The following PTPRS variants were observed in gnomAD, a reference collection of about 807,000 sequenced individuals.
PTPRS encodes receptor-type tyrosine-protein phosphatase S.
Under a neutral mutation model 215.3 loss-of-function variants are expected in PTPRS, and 63 were observed. The observed-to-expected ratio is 0.29, with a 90% confidence interval of 0.24 to 0.36. The LOEUF is 0.36. Ranked by LOEUF, PTPRS falls within the 10% of genes least tolerant of loss-of-function variation. PTPRS has a pLI of 1.00. For synonymous variants in PTPRS, 1,404 were observed against 1,191.4 expected (o/e 1.18, Z -3.68); for missense variants, 2,258 against 2,825.8 (o/e 0.80, Z 4.56).
In PTPRS at chr19:5,214,302, C is replaced by CT. The variant is rs199725155; in HGVS notation, c.4614+58dup. 3.3e-4 allele frequency: 539 copies of CT among 1,610,948 alleles called. 1 individual carries two copies. The African/African-American group carries it at 6.4e-3, about 19-fold the overall frequency. The stretch of plus-strand genomic sequence containing the variant: ...CTCCCTGGGTAGAAGCTGGGGCCCT[C>CT]TGCCTCCCTTCCAACACATTCCTCC... On this transcript the variant is annotated intron_variant, in intron 30 of 37. Coordinates refer to ENST00000262963, the MANE Select transcript of PTPRS (RefSeq NM_002850.4).
At chr19:5,319,938 T>C (rs943316914) in intron 1 of PTPRS, among the ~76,000 whole-genome samples, 7 of 152,064 alleles carry the variant, frequency 4.6e-5, no homozygotes, top group African/African-American at 1.7e-4. Context: ...GTGCTATATA[T>C]CGTATTTTGC....
chr19:5,236,597 C>G (rs1230483864), intron 13 of PTPRS, among the ~76,000 whole-genome samples: 1 of 152,222 alleles, frequency 6.6e-6, no homozygotes, highest in Non-Finnish European at 1.5e-5. Flanking sequence ...TGAGTACTTA[C>G]TATGGACACT....
In PTPRS at chr19:5,245,918, G is replaced by A. The variant is rs769128497; in HGVS notation, c.846C>T (p.Ala282=). 5.0e-6 allele frequency: 8 copies of A among 1,613,576 alleles called. No individual in the cohort carries two copies. The highest frequency in any genetic ancestry group is 3.3e-5 in the Admixed American group (2 of 59,960). ...TGTCATCCTCGGGGGTCAGGTCCTC[G>A]GCCCCCTGCATCCACTTCACGTATG... ...PMPYVKWMQG[A]EDLTPEDDMP... The change falls in exon 10 of 38, where the codon GCC becomes GCT. Residue 282 remains alanine (A), a synonymous_variant. Coordinates refer to ENST00000262963, the MANE Select transcript of PTPRS (RefSeq NM_002850.4).
chr19:5,241,169 G>A lies in PTPRS; in HGVS notation c.1571-837C>T, dbSNP rs552845142. Among the ~76,000 whole-genome samples, 30 of 151,954 alleles carry A rather than the reference G, an allele frequency of 2.0e-4. No homozygotes were observed. The South Asian group carries it at 5.6e-3, about 28-fold the overall frequency. On this transcript the variant is annotated intron_variant, in intron 11 of 37. Coordinates refer to ENST00000262963, the MANE Select transcript of PTPRS (RefSeq NM_002850.4). ...CTCCCAAAGTGCTGGAATTACAGGC[G>A]CGAACCACCACACCTGGCCTAAAAA...
At chr19:5,265,491 G>A (rs1005070734) in intron 4 of PTPRS, among the ~76,000 whole-genome samples, 3 of 152,056 alleles carry the variant, frequency 2.0e-5, no homozygotes, top group African/African-American at 7.2e-5. Flanking sequence ...ACAAGCATGC[G>A]CCACCACGCC....
Position 5,245,806 on chromosome 19 carries a change from T to C in PTPRS, c.958A>G (p.Ile320Val), listed in dbSNP as rs774918692. The C allele has an allele frequency of 6.2e-7, 1 of 1,610,912 alleles. No individual in the cohort carries two copies. Among genetic ancestry groups the C allele is most frequent in the Non-Finnish European group, 8.5e-7 (1 of 1,178,328 alleles). Reference sequence around the variant, plus strand: ...ACCGTGATCTGAGCAACCGCCTCAATGACGCCCAGGCTGGACATGGCCACG... The same window carrying C: ...ACCGTGATCTGAGCAACCGCCTCAACGACGCCCAGGCTGGACATGGCCACG... ...TCVAMSSLGV[I>V]EAVAQITVKS... The change falls in exon 10 of 38, where the codon ATT (isoleucine) becomes GTT (valine). Residue 320 changes from isoleucine to valine, a missense_variant. Transcript: ENST00000262963.
rs1199741467 is a variant in PTPRS at position 5,229,596 on chromosome 19, C to T, written c.2244G>A (p.Arg748=). The part of the protein sequence containing the change: ...RVLWRSPAPG[R]QHGQIRGYQV... Reference sequence around the variant, plus strand: ...GGTAGCCGCGGATCTGGCCGTGCTGCCGGCCGGGCGCGGGCGAGCGCCACA... The same window carrying T: ...GGTAGCCGCGGATCTGGCCGTGCTGTCGGCCGGGCGCGGGCGAGCGCCACA... Residue 748 remains arginine, a synonymous_variant, in exon 15 of 38, where the codon CGG becomes CGA. Transcript: ENST00000262963. The T allele has an allele frequency of 7.0e-7, 1 of 1,430,886 alleles. No homozygotes were observed. Among genetic ancestry groups the T allele is most frequent in the Non-Finnish European group, 9.2e-7 (1 of 1,092,622 alleles). 88.6% of individuals were successfully genotyped at this position (1,430,886 alleles called of 1,614,324 possible). A position where few individuals can be genotyped will look rare whatever the true frequency, so the allele number is the denominator to read the frequency against.
chr19:5,239,822 A>T (rs1307503383), intron 12 of PTPRS, among the ~76,000 whole-genome samples: 7 of 152,128 alleles, frequency 4.6e-5, no homozygotes, highest in Admixed American at 4.6e-4. Flanking sequence ...CAGAAAACAG[A>T]GACAGAAAGA....
At chr19:5,273,126 T>C (rs2047061417) in intron 4 of PTPRS, 1 of 352,388 alleles carries the variant, frequency 2.8e-6, no homozygotes, top group South Asian at 3.2e-5. Context: ...GGAATTTTAA[T>C]TCTGCACATC....
intron 2 of PTPRS, among the ~76,000 whole-genome samples, chr19:5,281,560 C>T (rs963509167): frequency 1.3e-5 from 2 of 152,186 alleles, no homozygotes; most frequent in Non-Finnish European, 2.9e-5. Flanking sequence ...CTTACTGTCC[C>T]TTCCACATCC....
rs948500870 is a variant in PTPRS at position 5,295,517 on chromosome 19, T to C, written c.-94-9283A>G. Among the ~76,000 whole-genome samples, 2 of 152,002 alleles carry C rather than the reference T, an allele frequency of 1.3e-5. No homozygotes were observed. The highest frequency in any genetic ancestry group is 2.9e-5 in the Non-Finnish European group (2 of 67,984). ...ATCAGCACAGAGCCCTACATGCGCC[T>C]AGTCCCCGGGTCTGCCTCTCCCACC... On this transcript the variant is annotated intron_variant, in intron 1 of 37. Coordinates refer to ENST00000262963, the MANE Select transcript of PTPRS (RefSeq NM_002850.4). This position sits in a 1 kb window ranked among gnomAD's most constrained non-coding sequence, Gnocchi z 4.6.
At chr19:5,330,038 T>C (rs930660805) in intron 1 of PTPRS, among the ~76,000 whole-genome samples, 4 of 147,436 alleles carry the variant, frequency 2.7e-5, no homozygotes, top group Non-Finnish European at 4.5e-5. Context: ...GATCACGCCA[T>C]TGCACTCCAG....
intron 17 of PTPRS, among the ~76,000 whole-genome samples, chr19:5,224,980 T>C (rs900134098): frequency 4.6e-5 from 7 of 152,016 alleles, no homozygotes; most frequent in Non-Finnish European, 8.8e-5. Flanking sequence ...ACACCCGAGC[T>C]TGTTCCGCCC....
chr19:5,231,326 G>A lies in PTPRS; in HGVS notation c.2139C>T (p.Val713=). 6.2e-7 allele frequency: 1 copy of A among 1,609,204 alleles called. No individual in the cohort carries two copies. Among genetic ancestry groups the A allele is most frequent in the Non-Finnish European group, 8.5e-7 (1 of 1,179,552 alleles). The change falls in exon 14 of 38, where the codon GTC becomes GTT. Residue 713 remains valine, a synonymous_variant. Transcript: ENST00000262963. ...GPGPESSPVV[V]RTDEDVPSAP... ...GGTACTTACCATCCTCGTCGGTGCG[G>A]ACGACCACGGGCGAGCTCTCGGGCC...
rs139792664 is a variant in PTPRS at position 5,283,871 on chromosome 19, G to A, written c.91+2179C>T. On this transcript the variant is annotated intron_variant, in intron 2 of 37. Coordinates refer to ENST00000262963, the MANE Select transcript of PTPRS (RefSeq NM_002850.4). ...GAGGATCGCTTAAATCTAGGAGTTT[G>A]AGACCAGCCTGGGCAACATAGTAAA... 5.4e-3 allele frequency among the ~76,000 whole-genome samples: 821 copies of A among 152,172 alleles called. 9 individuals carry two copies. Among genetic ancestry groups the A allele is most frequent in the African/African-American group, 0.019 (797 of 41,494 alleles).
intron 1 of PTPRS, among the ~76,000 whole-genome samples, chr19:5,337,394 T>A (rs2050540148): frequency 6.6e-6 from 1 of 152,018 alleles, no homozygotes; most frequent in African/African-American, 2.4e-5. Context: ...CACCACCAAG[T>A]CACACCGTCC....
intron 15 of PTPRS, 38 bp from the exon 16 acceptor site, chr19:5,229,380 A>G (rs1214512694): frequency 3.6e-6 from 5 of 1,371,144 alleles, no homozygotes; most frequent in Non-Finnish European, 4.7e-6. Flanking sequence ...GAGAGGAGGA[A>G]GGTGAGCGGG....
chr19:5,238,158 C>T (rs11085119), intron 13 of PTPRS, among the ~76,000 whole-genome samples: 17,485 of 152,090 alleles, frequency 0.11, 1,658 homozygotes, highest in East Asian at 0.55. Flanking sequence ...GCCAGGGAGG[C>T]AGGTGAGGTG....
chr19:5,234,519 A>G (rs577285293), intron 13 of PTPRS, among the ~76,000 whole-genome samples: 1 of 152,360 alleles, frequency 6.6e-6, no homozygotes, highest in African/African-American at 2.4e-5. Flanking sequence ...TATCAACAGC[A>G]AGTCTCATTT....
Sources: gnomAD v4.1 joint callset for allele counts (sites outside exome capture counted in the v4.1 genomes callset) on GRCh38, gnomAD v4.1.1 for gene constraint, Gnocchi (gnomAD v3.1) non-coding constraint, MANE v1.5 for transcripts, NCBI Gene and HGNC (gene_info 2026-07-23, HGNC 2026-07-21) for gene names.